Variants in MPDZ observed in about 807,000 individuals in gnomAD.
The protein encoded by MPDZ is multiple PDZ domain crumbs cell polarity complex component.
Under a neutral mutation model 239.1 loss-of-function variants are expected in MPDZ, and 234 were observed. That is an observed-to-expected ratio of 0.98 (90% CI 0.88 to 1.09). The LOEUF (loss-of-function observed/expected upper bound fraction) is 1.09. MPDZ is among the 50% of genes least tolerant of loss of function. MPDZ has a pLI of 0.00. For missense variants in MPDZ, 3,175 were observed against 2,510.0 expected (o/e 1.26, Z -5.66); for synonymous variants, 1,048 against 881.3 (o/e 1.19, Z -3.35).
chr9:13,113,957 AG>A lies in MPDZ; in HGVS notation c.5530del (p.Leu1844TrpfsTer17). On this transcript the variant is annotated frameshift_variant, in exon 41 of 47. Coordinates refer to ENST00000319217, the MANE Select transcript of MPDZ (RefSeq NM_001378778.1). LOFTEE classifies it high-confidence loss of function. ...TGCATTCTTCTTTGAGCTACTTTCCAGTGACTCAGATGTACTGGATCCAGAG... is the reference window on the plus strand; with the variant it reads ...TGCATTCTTCTTTGAGCTACTTTCCATGACTCAGATGTACTGGATCCAGAG... ...PLSGSSTSES[L>X]ESSSKKNALA... is the part of the protein sequence containing the mutation. 1 of 1,596,992 alleles carries A rather than the reference AG, an allele frequency of 6.3e-7. No homozygotes were observed. Among genetic ancestry groups the A allele is most frequent in the Non-Finnish European group, 8.5e-7 (1 of 1,170,996 alleles).
At chr9:13,211,505 A>G (rs996719110) in intron 10 of MPDZ, among the ~76,000 whole-genome samples, 4 of 152,144 alleles carry the variant, frequency 2.6e-5, no homozygotes, top group African/African-American at 7.2e-5. Context: ...TGGATTTAAA[A>G]TTCAAACTAA....
At chr9:13,275,810 A>C (rs1277834243) in intron 1 of MPDZ, among the ~76,000 whole-genome samples, 1 of 151,898 alleles carries the variant, frequency 6.6e-6, no homozygotes, top group Non-Finnish European at 1.5e-5. Context: ...CCTCTATTCC[A>C]CTCCAGAAAT....
At chr9:13,142,459 AATTT>A (rs1283939841) in intron 27 of MPDZ, among the ~76,000 whole-genome samples, 1 of 152,142 alleles carries the variant, frequency 6.6e-6, no homozygotes, top group Non-Finnish European at 1.5e-5. Flanking sequence ...CACTTTTTAA[AATTT>A]ATTTATGAAA....
At chr9:13,200,161 A>C (rs1287658850) in intron 12 of MPDZ, among the ~76,000 whole-genome samples, 1 of 151,896 alleles carries the variant, frequency 6.6e-6, no homozygotes, top group Non-Finnish European at 1.5e-5. Context: ...TTCATGGTTT[A>C]ATCTTATAAT....
At chr9:13,193,117 G>A (rs1955171637) in intron 14 of MPDZ, 50 bp downstream of exon 14, 5 of 1,410,940 alleles carry the variant, frequency 3.5e-6, no homozygotes, top group Non-Finnish European at 4.7e-6. Context: ...CCTCCTGCAA[G>A]CTTTTCCATG....
chr9:13,262,849 T>C (rs1419192179), intron 1 of MPDZ, among the ~76,000 whole-genome samples: 2 of 152,032 alleles, frequency 1.3e-5, no homozygotes, highest in Non-Finnish European at 2.9e-5. Context: ...TTTATTTATA[T>C]TTTTTAAATA....
At chr9:13,172,778 G>A (rs1951963587) in intron 21 of MPDZ, among the ~76,000 whole-genome samples, 3 of 152,106 alleles carry the variant, frequency 2.0e-5, no homozygotes, top group Non-Finnish European at 2.9e-5. Flanking sequence ...TGGGTTTCTA[G>A]ATGTGATGGA....
At chr9:13,232,753 G>A (rs1459881916) in intron 3 of MPDZ, among the ~76,000 whole-genome samples, 1 of 150,430 alleles carries the variant, frequency 6.6e-6, no homozygotes, top group Non-Finnish European at 1.5e-5. Context: ...AAAACACAAA[G>A]GAGAAAATGG....
chr9:13,119,567 T>G lies in MPDZ; in HGVS notation c.5314A>C (p.Ile1772Leu). 2 of 1,614,004 alleles carry G rather than the reference T, an allele frequency of 1.2e-6. No individual in the cohort carries two copies. The highest frequency in any genetic ancestry group is 1.7e-6 in the Non-Finnish European group (2 of 1,179,854). The change falls in exon 39 of 47, where the codon ATA becomes CTA. Residue 1772 changes from isoleucine (I) to leucine (L), a missense_variant. By Grantham distance (5) the Ile-to-Leu change is conservative. Transcript: ENST00000319217. ...ADGRLMQGDQ[I>L]LMVNGEDVRN... ...ACGTCTTCCCCATTCACCATTAATA[T>G]CTGGTCTCCCTGCATCAGTCTTCCA...
chr9:13,259,220 C>T (rs1970109134), intron 1 of MPDZ, among the ~76,000 whole-genome samples: 1 of 151,980 alleles, frequency 6.6e-6, no homozygotes, highest in South Asian at 2.1e-4. Context: ...CATTAGGCTT[C>T]CTAATATAGC....
chr9:13,116,076 T>C (rs1310356734), intron 39 of MPDZ, among the ~76,000 whole-genome samples: 3 of 152,100 alleles, frequency 2.0e-5, no homozygotes, highest in Non-Finnish European at 4.4e-5. Context: ...CACTACACTG[T>C]GCCTGAATAG....
Position 13,107,126 on chromosome 9 carries a change from G to A in MPDZ, c.6067-15C>T. 6.5e-7 allele frequency: 1 copy of A among 1,548,008 alleles called. No homozygotes were observed. On this transcript the variant is annotated splice_polypyrimidine_tract_variant and intron_variant, in intron 46 of 46. Transcript: ENST00000319217. ...GAGGCTGCTCCCTGCAAATTATAAA[G>A]TAGACTTGTTTATTTCTCAAAAAAT...
chr9:13,190,699 G>A (rs1954793961), intron 15 of MPDZ, among the ~76,000 whole-genome samples: 1 of 152,104 alleles, frequency 6.6e-6, no homozygotes, highest in Non-Finnish European at 1.5e-5. Context: ...ATGGATATAT[G>A]CAAAAGTTCT....
intron 28 of MPDZ, among the ~76,000 whole-genome samples, chr9:13,138,433 T>A (rs1244981607): frequency 6.6e-6 from 1 of 152,098 alleles, no homozygotes; most frequent in Admixed American, 6.6e-5. Flanking sequence ...AGTAATTCAT[T>A]TTACAAACTC....
intron 38 of MPDZ, among the ~76,000 whole-genome samples, chr9:13,121,162 T>C (rs1015819353): frequency 6.6e-6 from 1 of 152,220 alleles, no homozygotes; most frequent in African/African-American, 2.4e-5. Context: ...TTAGGCCCTG[T>C]TGATGGCACG....
intron 25 of MPDZ, among the ~76,000 whole-genome samples, chr9:13,148,716 A>ATTATCAGAATGGAAT: frequency 6.6e-6 from 1 of 151,722 alleles, no homozygotes; most frequent in Admixed American, 6.6e-5. Flanking sequence ...AAAGTATTCC[A>ATTATCAGAATGGAAT]AATTTGCAGA....
chr9:13,140,218 A>C lies in MPDZ; in HGVS notation c.3841-69T>G. ...AAGAAAACTTCAAGAAGAAGAAATA[A>C]GAGTATACTGTCAAAAACAAAGACT... On this transcript the variant is annotated intron_variant, in intron 27 of 46. Transcript: ENST00000319217. 2.7e-6 allele frequency: 4 copies of C among 1,499,492 alleles called. No individual in the cohort carries two copies. In the South Asian group the frequency reaches 5.2e-5, roughly 19 times the overall value. 92.9% of individuals were successfully genotyped at this position (1,499,492 alleles called of 1,614,324 possible). A position where few individuals can be genotyped will look rare whatever the true frequency, so the allele number is the denominator to read the frequency against.
At chr9:13,219,502 G>A in intron 8 of MPDZ, 57 bp downstream of exon 8, 11 of 1,455,858 alleles carry the variant, frequency 7.6e-6, no homozygotes, top group Non-Finnish European at 8.5e-6. Context: ...AAACATCACT[G>A]TCGTCATCTA....
At chr9:13,230,608 G>A (rs1426946703) in intron 3 of MPDZ, among the ~76,000 whole-genome samples, 2 of 151,964 alleles carry the variant, frequency 1.3e-5, no homozygotes, top group African/African-American at 4.8e-5. Flanking sequence ...GGTTGCCAGG[G>A]GTTACAAATG....
Sources: gnomAD v4.1 joint callset for allele counts (sites outside exome capture counted in the v4.1 genomes callset) on GRCh38, gnomAD v4.1.1 for gene constraint, MANE v1.5 for transcripts, NCBI Gene and HGNC (gene_info 2026-07-23, HGNC 2026-07-21) for gene names.